The following PTPRT variants were observed in gnomAD, a reference collection of about 807,000 sequenced individuals.
PTPRT encodes the protein receptor-type tyrosine-protein phosphatase T.
In PTPRT, 56 loss-of-function variants were observed where a neutral mutation model predicts 176.8. That is an observed-to-expected ratio of 0.32 (90% CI 0.26 to 0.40). PTPRT has a LOEUF of 0.40. Among genes scored for constraint, PTPRT ranks in the 10% least tolerant of loss-of-function variants. PTPRT has a pLI of 1.00. For missense variants in PTPRT, 1,540 were observed against 1,908.2 expected (o/e 0.81, Z 3.60); for synonymous variants, 783 against 739.0 (o/e 1.06, Z -0.96).
intron 7 of PTPRT, among the ~76,000 whole-genome samples, chr20:42,620,372 T>C (rs199676719): frequency 0.16 from 22,634 of 137,538 alleles, 2,887 homozygotes; most frequent in African/African-American, 0.34. Context: ...CTTAAGTCTG[T>C]AGAGGTTACT....
At chr20:43,098,351 C>T (rs1241970512) in intron 1 of PTPRT, among the ~76,000 whole-genome samples, 1 of 152,180 alleles carries the variant, frequency 6.6e-6, no homozygotes, top group Non-Finnish European at 1.5e-5. Context: ...ACCCTTCTGC[C>T]TCAGTTTCCT....
chr20:42,436,901 T>C (rs556781612), intron 9 of PTPRT, among the ~76,000 whole-genome samples: 185 of 152,292 alleles, frequency 1.2e-3, no homozygotes, highest in African/African-American at 4.4e-3. Context: ...TGCAATACAA[T>C]ATGGAATAAA....
At chr20:42,134,506 G>T (rs1169858880) in intron 18 of PTPRT, among the ~76,000 whole-genome samples, 1 of 152,092 alleles carries the variant, frequency 6.6e-6, no homozygotes, top group Non-Finnish European at 1.5e-5. Flanking sequence ...GTAGAAGGGA[G>T]ACATGGTACC....
At chr20:42,925,269 C>T (rs1009092672) in intron 1 of PTPRT, among the ~76,000 whole-genome samples, 1 of 152,086 alleles carries the variant, frequency 6.6e-6, no homozygotes, top group African/African-American at 2.4e-5. Context: ...AAGGAAACTC[C>T]GTATCACTAC....
chr20:42,058,877 G>T, the PTPRT span, among the ~76,000 whole-genome samples: 1 of 152,096 alleles, frequency 6.6e-6, no homozygotes, highest in Non-Finnish European at 1.5e-5. Context: ...AGCCCCAAAA[G>T]CTCACAAGGA....
intron 17 of PTPRT, among the ~76,000 whole-genome samples, chr20:42,144,055 T>G (rs890866040): frequency 1.5e-4 from 23 of 152,080 alleles, no homozygotes; most frequent in Non-Finnish European, 3.4e-4. Flanking sequence ...AAGTCACAGG[T>G]GCTTACAGGA....
intron 1 of PTPRT, among the ~76,000 whole-genome samples, chr20:43,005,667 G>A (rs578253814): frequency 1.3e-5 from 2 of 152,246 alleles, no homozygotes; most frequent in South Asian, 4.2e-4. Context: ...TGTCTATTTT[G>A]CTCTTCACCG....
chr20:43,154,967 T>C (rs1469422488), intron 1 of PTPRT, among the ~76,000 whole-genome samples: 1 of 152,014 alleles, frequency 6.6e-6, no homozygotes, highest in African/African-American at 2.4e-5. Context: ...GCATCACTAA[T>C]CATCAGGGAA....
intron 7 of PTPRT, among the ~76,000 whole-genome samples, chr20:42,569,081 AATATATATATATAT>A (rs71335569): frequency 4.5e-4 from 14 of 30,812 alleles, no homozygotes; most frequent in South Asian, 4.1e-3. Context: ...AAAAAAAAAA[AATATATATATATAT>A]ATATATATAT....
intron 9 of PTPRT, among the ~76,000 whole-genome samples, chr20:42,352,687 T>C (rs2058302860): frequency 1.3e-5 from 2 of 152,182 alleles, no homozygotes; most frequent in Non-Finnish European, 2.9e-5. Flanking sequence ...AAAAATAATT[T>C]AACTGTACAT....
intron 4 of PTPRT, among the ~76,000 whole-genome samples, chr20:42,778,529 G>A (rs1444080946): frequency 1.3e-5 from 2 of 152,198 alleles, no homozygotes; most frequent in Admixed American, 6.5e-5. Flanking sequence ...AGGCAAGCAC[G>A]CTCTGAGTGG....
At chr20:42,372,039 G>A (rs1026634461) in intron 9 of PTPRT, among the ~76,000 whole-genome samples, 1 of 152,114 alleles carries the variant, frequency 6.6e-6, no homozygotes, top group African/African-American at 2.4e-5. Context: ...TTGGGTACTG[G>A]GGGGAGAGTG....
intron 1 of PTPRT, among the ~76,000 whole-genome samples, chr20:43,004,861 T>C (rs1444794031): frequency 2.0e-5 from 3 of 152,230 alleles, no homozygotes; most frequent in African/African-American, 7.2e-5. Context: ...GGCTAAGATA[T>C]GTTAGAGGCA....
chr20:42,460,735 C>T (rs1038441752), intron 8 of PTPRT, among the ~76,000 whole-genome samples: 2 of 152,164 alleles, frequency 1.3e-5, no homozygotes, highest in African/African-American at 2.4e-5. Context: ...CTTTTTGCCG[C>T]CTTGTGAAGA....
At chr20:42,479,575 C>A (rs573300582) in intron 7 of PTPRT, among the ~76,000 whole-genome samples, 5 of 152,330 alleles carry the variant, frequency 3.3e-5, no homozygotes, top group African/African-American at 1.2e-4. Flanking sequence ...GAAACCCACT[C>A]TCTTGCTTAT....
At chr20:43,009,650 C>T (rs1034580361) in intron 1 of PTPRT, among the ~76,000 whole-genome samples, 5 of 152,124 alleles carry the variant, frequency 3.3e-5, no homozygotes, top group African/African-American at 1.2e-4. Flanking sequence ...GGAGGGCCAT[C>T]CCGTGACGCG....
At chr20:43,142,914 C>T (rs111403990) in intron 1 of PTPRT, among the ~76,000 whole-genome samples, 3 of 152,328 alleles carry the variant, frequency 2.0e-5, no homozygotes, top group African/African-American at 7.2e-5. Context: ...GCACTGCATG[C>T]TGGACTTTGC....
chr20:42,209,631 G>A (rs2055568382), intron 15 of PTPRT, among the ~76,000 whole-genome samples: 1 of 151,890 alleles, frequency 6.6e-6, no homozygotes, highest in African/African-American at 2.4e-5. Flanking sequence ...CCAATAACAG[G>A]ATCTGAAATT....
intron 16 of PTPRT, among the ~76,000 whole-genome samples, chr20:42,179,802 C>T (rs1057245205): frequency 7.2e-5 from 11 of 152,100 alleles, no homozygotes; most frequent in South Asian, 2.1e-4. Flanking sequence ...GTAGGTGTAC[C>T]GGAATCTGGG....
Sources: allele counts gnomAD v4.1 joint callset (sites outside exome capture counted in the v4.1 genomes callset), GRCh38; gene constraint gnomAD v4.1.1; transcripts MANE v1.5; gene names NCBI Gene and HGNC (gene_info 2026-07-23, HGNC 2026-07-21).